NIM1K: variants seen among roughly 807,000 people sequenced by gnomAD.
NIM1K encodes the protein serine/threonine-protein kinase NIM1.
Under a neutral mutation model 37.1 loss-of-function variants are expected in NIM1K, and 35 were observed. The observed-to-expected ratio is 0.94, with a 90% confidence interval of 0.72 to 1.25. The LOEUF (loss-of-function observed/expected upper bound fraction) is 1.25, where lower values mean the gene tolerates loss of function less well. Ranked by LOEUF, NIM1K falls within the 50% of genes most tolerant of loss-of-function variation. The pLI, the probability that NIM1K is intolerant of heterozygous loss-of-function variation, is 0.00. For synonymous variants in NIM1K, 234 were observed against 206.6 expected, an observed-to-expected ratio of 1.13 and a Z score of -1.14; for missense variants, 564 against 548.0, an observed-to-expected ratio of 1.03 and a Z score of -0.29.
At chr5:43,261,026 T>A (rs1315282805) in intron 2 of NIM1K, among the ~76,000 whole-genome samples, 3 of 152,190 alleles carry the variant, frequency 2.0e-5, no homozygotes, top group Non-Finnish European at 4.4e-5. Flanking sequence ...GACATTTGGG[T>A]TGGTTCCAAG....
Position 43,249,044 on chromosome 5 carries a change from TTTTATTTATTTA to T in NIM1K, c.292+3009_292+3020del, listed in dbSNP as rs58657107. On this transcript the variant is annotated intron_variant, in intron 2 of 3. Transcript: ENST00000326035. ...GTGCCACCTTGCCCGGCTAGTTTAT[TTTTATTTATTTA>T]TTTATTTATTTATTTATTTATTTAT... Among the ~76,000 whole-genome samples, 324 of 139,188 alleles carry T rather than the reference TTTTATTTATTTA, an allele frequency of 2.3e-3. 1 individual carries two copies. The highest frequency in any genetic ancestry group is 3.5e-3 in the Non-Finnish European group (229 of 64,898). 91.3% of individuals were successfully genotyped at this position (139,188 alleles called of 152,430 possible). A position where few individuals can be genotyped will look rare whatever the true frequency, so the allele number is the denominator to read the frequency against.
At chr5:43,205,453 A>G (rs1752094270) in intron 1 of NIM1K, among the ~76,000 whole-genome samples, 1 of 152,168 alleles carries the variant, frequency 6.6e-6, no homozygotes, top group African/African-American at 2.4e-5. Context: ...AACACCAACT[A>G]AAACAATGGC....
rs1753422344 is a variant in NIM1K at position 43,280,388 on chromosome 5, T to C, written c.970T>C (p.Trp324Arg). 5 of 1,613,974 alleles carry C rather than the reference T, an allele frequency of 3.1e-6. No homozygotes were observed. In the South Asian group the frequency reaches 3.3e-5, roughly 11 times the overall value. ...YGIDCIMNDEWMQGVPYPTPL... is the reference protein window; with the variant it reads ...YGIDCIMNDERMQGVPYPTPL... ...AATCGACTGCATCATGAATGATGAA[T>C]GGATGCAAGGGGTGCCATACCCTAC... The change falls in exon 4 of 4, where the codon TGG becomes CGG. Residue 324 changes from tryptophan (W) to arginine (R), a missense_variant. By Grantham distance (101) the Trp-to-Arg change is moderately radical (BLOSUM62 -3). Coordinates refer to ENST00000326035, the MANE Select transcript of NIM1K (RefSeq NM_153361.4).
At chr5:43,226,774 G>A (rs1473742839) in intron 1 of NIM1K, among the ~76,000 whole-genome samples, 11 of 152,208 alleles carry the variant, frequency 7.2e-5, no homozygotes, top group Non-Finnish European at 1.6e-4. Context: ...CAGCTTGTGA[G>A]GAGGCTTAAC....
At chr5:43,197,332 G>T (rs1224344453) in intron 1 of NIM1K, among the ~76,000 whole-genome samples, 4 of 147,948 alleles carry the variant, frequency 2.7e-5, no homozygotes, top group Non-Finnish European at 6.0e-5. Context: ...TGGTAGGGGG[G>T]GCGGGCCTCT....
chr5:43,231,604 C>T (rs1241425141), intron 1 of NIM1K, among the ~76,000 whole-genome samples: 2 of 152,076 alleles, frequency 1.3e-5, no homozygotes, highest in African/African-American at 4.8e-5. Flanking sequence ...TTTTAAAAAA[C>T]ATTTATTATT....
chr5:43,226,047 G>A (rs182459100), intron 1 of NIM1K, among the ~76,000 whole-genome samples: 6 of 152,328 alleles, frequency 3.9e-5, no homozygotes, highest in South Asian at 2.1e-4. Flanking sequence ...TTTGCAGAAC[G>A]TAGGAGCATG....
intron 2 of NIM1K, among the ~76,000 whole-genome samples, chr5:43,260,916 C>T (rs1216820642): frequency 6.6e-6 from 1 of 152,172 alleles, no homozygotes; most frequent in East Asian, 1.9e-4. Flanking sequence ...CAGCTTCATC[C>T]ATGTCCCTGC....
intron 1 of NIM1K, among the ~76,000 whole-genome samples, chr5:43,205,933 C>T (rs936208914): frequency 5.9e-5 from 9 of 152,022 alleles, no homozygotes; most frequent in Admixed American, 2.6e-4. Flanking sequence ...AGGATGGTCT[C>T]GATCTTCTGA....
At chr5:43,246,192 T>C in intron 2 of NIM1K, 125 bp downstream of exon 2, 1 of 723,688 alleles carries the variant, frequency 1.4e-6, no homozygotes, top group Non-Finnish European at 2.2e-6. Context: ...AAGGCCCACA[T>C]CCTGTGCCAG....
chr5:43,268,428 T>A (rs1753203322), intron 2 of NIM1K, among the ~76,000 whole-genome samples: 1 of 151,866 alleles, frequency 6.6e-6, no homozygotes, highest in African/African-American at 2.4e-5. Flanking sequence ...TTGCTGCTGA[T>A]TGTTTGGGTT....
chr5:43,247,664 A>T (rs543395888), intron 2 of NIM1K, among the ~76,000 whole-genome samples: 14 of 152,350 alleles, frequency 9.2e-5, no homozygotes, highest in African/African-American at 3.4e-4. Flanking sequence ...TCTCCAGGTG[A>T]TTCTAACTAA....
chr5:43,229,536 A>C (rs1209672864), intron 1 of NIM1K, among the ~76,000 whole-genome samples: 1 of 152,140 alleles, frequency 6.6e-6, no homozygotes, highest in African/African-American at 2.4e-5. Flanking sequence ...TTTATAGGCT[A>C]TACAGATAGA....
chr5:43,276,392 C>T (rs896140551), intron 2 of NIM1K, among the ~76,000 whole-genome samples: 1 of 152,184 alleles, frequency 6.6e-6, no homozygotes, highest in African/African-American at 2.4e-5. Context: ...TTTAAAGAAC[C>T]AGATCTCATG....
intron 2 of NIM1K, among the ~76,000 whole-genome samples, chr5:43,252,511 T>C (rs1460825264): frequency 6.6e-6 from 1 of 151,532 alleles, no homozygotes; most frequent in African/African-American, 2.4e-5. Context: ...ATAGAGGAGA[T>C]TCCCAGGAAA....
chr5:43,204,661 T>C (rs1752082493), intron 1 of NIM1K, among the ~76,000 whole-genome samples: 1 of 145,238 alleles, frequency 6.9e-6, no homozygotes, highest in Non-Finnish European at 1.5e-5. Flanking sequence ...GCCAAGATGG[T>C]GCCACTGCAG....
chr5:43,207,003 C>T (rs2112211252), intron 1 of NIM1K: 2 of 752,426 alleles, frequency 2.7e-6, no homozygotes, highest in South Asian at 1.4e-5. Flanking sequence ...CAGGACAGTA[C>T]TGGGCGGGTA....
intron 1 of NIM1K, among the ~76,000 whole-genome samples, chr5:43,201,746 G>A (rs1156775949): frequency 1.3e-5 from 2 of 151,976 alleles, no homozygotes; most frequent in East Asian, 3.9e-4. Flanking sequence ...GGATGATGAG[G>A]TCAAGAGATT....
intron 2 of NIM1K, among the ~76,000 whole-genome samples, chr5:43,259,292 T>C (rs923008115): frequency 1.3e-5 from 2 of 152,152 alleles, no homozygotes; most frequent in African/African-American, 2.4e-5. Flanking sequence ...TTGGATCAAA[T>C]GGTAGATCTA....
Sources: allele counts gnomAD v4.1 joint callset (sites outside exome capture counted in the v4.1 genomes callset), GRCh38; gene constraint gnomAD v4.1.1; transcripts MANE v1.5; gene names NCBI Gene and HGNC (gene_info 2026-07-23, HGNC 2026-07-21).